DYSF: variants seen among roughly 807,000 people sequenced by gnomAD.
DYSF encodes the protein dystrophy-associated fer-1-like 1.
In DYSF, 212 loss-of-function variants were observed where a neutral mutation model predicts 274.9. That is an observed-to-expected ratio of 0.77 (90% confidence interval 0.69 to 0.86). DYSF has a LOEUF of 0.86. DYSF is among the 40% of genes least tolerant of loss of function. The pLI, the probability that DYSF is intolerant of heterozygous loss-of-function variation, is 0.00. For missense variants in DYSF, 2,666 were observed against 2,783.2 expected (o/e 0.96, Z 0.95); for synonymous variants, 1,091 against 1,078.7 (o/e 1.01, Z -0.22).
Position 71,686,630 on chromosome 2 carries a change from G to A in DYSF, c.*138G>A, listed in dbSNP as rs1430963180. 1.0e-6 allele frequency: 1 copy of A among 995,950 alleles called. No individual in the cohort carries two copies. Among genetic ancestry groups the A allele is most frequent in the Non-Finnish European group, 1.6e-6 (1 of 632,396 alleles). The allele number at this position is 995,950 out of a possible 1,614,324, so 61.7% of individuals were successfully genotyped here. A position where few individuals can be genotyped will look rare whatever the true frequency, so the allele number is the denominator to read the frequency against. On this transcript the variant is annotated 3_prime_UTR_variant, in exon 56 of 56. Coordinates refer to ENST00000410020, the MANE Select transcript of DYSF (RefSeq NM_001130987.2). ...GCCAGGGTGGGCAGACAGACAGATG[G>A]ACCGGCCCACACTCCCAGAGTTGCT... is the stretch of plus-strand genomic sequence containing the variant.
intron 41 of DYSF, among the ~76,000 whole-genome samples, chr2:71,637,953 G>C (rs1373820582): frequency 6.6e-6 from 1 of 152,152 alleles, no homozygotes; most frequent in Non-Finnish European, 1.5e-5. Context: ...CGGGAGGAAG[G>C]TCATAGGCCA....
intron 42 of DYSF, among the ~76,000 whole-genome samples, chr2:71,644,885 A>T (rs1399920808): frequency 6.6e-6 from 1 of 152,224 alleles, no homozygotes; most frequent in Non-Finnish European, 1.5e-5. Context: ...TGCACGGGGC[A>T]TATTTCTTTA....
Position 71,590,264 on chromosome 2 carries a change from G to A in DYSF, c.3550G>A (p.Ala1184Thr). The A allele has an allele frequency of 6.2e-7, 1 of 1,614,176 alleles. No homozygotes were observed. Among genetic ancestry groups the A allele is most frequent in the East Asian group, 2.2e-5 (1 of 44,872 alleles). ...CATGTACCAGGCCCGGGACCTGGCT[G>A]CGATGGACAAGGACTCTTTTTCTGG... The part of the protein sequence containing the change: ...CYMYQARDLA[A>T]MDKDSFSDPY... Residue 1184 changes from alanine to threonine, a missense_variant, in exon 32 of 56, where the codon GCG becomes ACG. Around this residue, in one of 3 missense-constraint regions of DYSF, gnomAD observed 1,460 missense variants for 1,502.1 expected, o/e 0.97. Coordinates refer to ENST00000410020, the MANE Select transcript of DYSF (RefSeq NM_001130987.2).
chr2:71,635,195 C>A (rs1191934999), intron 41 of DYSF, among the ~76,000 whole-genome samples: 1 of 152,206 alleles, frequency 6.6e-6, no homozygotes, highest in Admixed American at 6.5e-5. Context: ...CATCACAAGT[C>A]TCTAGTTCTC....
At chr2:71,517,396 A>G (rs2086771646) in intron 10 of DYSF, among the ~76,000 whole-genome samples, 1 of 152,206 alleles carries the variant, frequency 6.6e-6, no homozygotes, top group South Asian at 2.1e-4. Flanking sequence ...AAGAGAAGCT[A>G]TGCCCCACCC....
At position 71,611,621 on chromosome 2, in the gene DYSF, G is replaced by T. The variant is rs866823474; in HGVS notation, c.4216G>T (p.Glu1406Ter). ...CTTTGACATCTGCACCCTCTTCATG[G>T]AAGTGGTGAGCCCCACCTCCCTACT... is the stretch of plus-strand genomic sequence containing the variant. ...PNFDICTLFMEVMLPREELYC... is the reference protein window; with the variant it reads ...PNFDICTLFM The change falls in exon 38 of 56, where the codon GAA becomes TAA. Residue 1406 changes from glutamate (E) to a stop codon, truncating the protein, a stop_gained. Transcript: ENST00000410020. LOFTEE classifies it high-confidence loss of function. 1.9e-6 allele frequency: 3 copies of T among 1,613,574 alleles called. No individual in the cohort carries two copies. The highest frequency in any genetic ancestry group is 2.5e-6 in the Non-Finnish European group (3 of 1,179,984).
rs756403355 is a variant in DYSF, at chr2:71,533,368, C to T, written c.1381-1653C>T. Among the ~76,000 whole-genome samples the T allele has an allele frequency of 2.8e-4, 42 of 152,228 alleles. 1 individual carries two copies. Among genetic ancestry groups the T allele is most frequent in the Admixed American group, 1.4e-3 (22 of 15,282 alleles). ...TTTTAGCACAAATGGCTGCACATCA[C>T]ACCACTCTGCGCCTTGCTTTTTTCA... On this transcript the variant is annotated intron_variant, in intron 14 of 55. Coordinates refer to ENST00000410020, the MANE Select transcript of DYSF (RefSeq NM_001130987.2).
At chr2:71,566,108 C>T (rs2092085244) in intron 24 of DYSF, among the ~76,000 whole-genome samples, 1 of 151,962 alleles carries the variant, frequency 6.6e-6, no homozygotes, top group Admixed American at 6.5e-5. Flanking sequence ...AGCCTAACCT[C>T]TGAGAGTCTA....
At chr2:71,585,772 C>T (rs193257952) in intron 30 of DYSF, among the ~76,000 whole-genome samples, 90 of 152,174 alleles carry the variant, frequency 5.9e-4, no homozygotes, top group African/African-American at 1.7e-3. Context: ...GATGGGTGCA[C>T]GCTGGGCACC....
intron 50 of DYSF, among the ~76,000 whole-genome samples, 161 bp from the exon 51 acceptor site, chr2:71,669,444 T>C (rs535684022): frequency 6.6e-6 from 1 of 152,360 alleles, no homozygotes; most frequent in South Asian, 2.1e-4. Flanking sequence ...TAGAATGTTT[T>C]CAAATTTATG....
chr2:71,481,923 T>C lies in DYSF; in HGVS notation c.192T>C (p.Ser64=). ...DLKGIPLDQG[S]ELHVVVKDHE... ...AGGGCATCCCCCTGGACCAGGGCTC[T>C]GAGCTTCATGTGGTGGTCAAAGACC... Residue 64 remains serine (S), a synonymous_variant, in exon 3 of 56, where the codon TCT becomes TCC. Coordinates refer to ENST00000410020, the MANE Select transcript of DYSF (RefSeq NM_001130987.2). 1 of 1,614,210 alleles carries C rather than the reference T, an allele frequency of 6.2e-7. No individual in the cohort carries two copies. The highest frequency in any genetic ancestry group is 8.5e-7 in the Non-Finnish European group (1 of 1,180,036).
intron 41 of DYSF, among the ~76,000 whole-genome samples, chr2:71,637,588 C>G (rs1306643415): frequency 6.6e-6 from 1 of 152,166 alleles, no homozygotes; most frequent in Non-Finnish European, 1.5e-5. Context: ...CTCCTTGAAG[C>G]TGTGCCAGGA....
intron 12 of DYSF, 104 bp downstream of exon 12, chr2:71,521,008 C>A: frequency 1.1e-6 from 1 of 900,640 alleles, no homozygotes; most frequent in Non-Finnish European, 1.8e-6. Context: ...CTGATTTAAA[C>A]TAATATGTGG....
At chr2:71,453,732 T>C (rs1489763974) in exon 1 of DYSF, 1 of 537,612 alleles carries the variant, frequency 1.9e-6, no homozygotes, top group African/African-American at 1.9e-5. Context: ...GGGTGGAAGA[T>C]GAGCAGAAGC....
intron 26 of DYSF, among the ~76,000 whole-genome samples, chr2:71,569,582 C>T (rs2092309438): frequency 3.3e-5 from 5 of 152,090 alleles, no homozygotes; most frequent in Admixed American, 3.3e-4. Context: ...TCAGTTGGCC[C>T]CCTTTTCTCT....
chr2:71,678,342 T>TA (rs771194566), intron 52 of DYSF, among the ~76,000 whole-genome samples: 2 of 151,510 alleles, frequency 1.3e-5, no homozygotes, highest in African/African-American at 2.4e-5. Context: ...TACTCAACCA[T>TA]AAAAAAAATA....
intron 29 of DYSF, among the ~76,000 whole-genome samples, chr2:71,572,354 C>T (rs2092542968): frequency 6.6e-6 from 1 of 151,804 alleles, no homozygotes. Flanking sequence ...ACACCCAGCA[C>T]AGATCACACC....
At chr2:71,617,282 GA>G (rs1237771107) in intron 40 of DYSF, among the ~76,000 whole-genome samples, 1 of 152,242 alleles carries the variant, frequency 6.6e-6, no homozygotes, top group African/African-American at 2.4e-5. Flanking sequence ...GACAAGGGAT[GA>G]GGGGGTGTCC....
At chr2:71,513,950 G>C (rs760389990) in intron 7 of DYSF, 29 bp downstream of exon 7, 1 of 1,613,576 alleles carries the variant, frequency 6.2e-7, no homozygotes, top group African/African-American at 1.3e-5. Flanking sequence ...CTGACCCCAG[G>C]CTCCTCTTCA....
Sources: allele counts gnomAD v4.1 joint callset (sites outside exome capture counted in the v4.1 genomes callset), GRCh38; gene constraint gnomAD v4.1.1; regional missense constraint gnomAD v4.1.1; transcripts MANE v1.5; gene names NCBI Gene and HGNC (gene_info 2026-07-23, HGNC 2026-07-21).